Variants in RGS6 observed in about 807,000 individuals in gnomAD.
RGS6 encodes the protein regulator of G protein signaling 6.
In RGS6, 30 loss-of-function variants were observed where a neutral mutation model predicts 78.5. That is an observed-to-expected ratio of 0.38 (90% CI 0.29 to 0.52). The LOEUF is 0.52. Ranked by LOEUF, RGS6 falls within the 20% of genes least tolerant of loss-of-function variation. RGS6 has a pLI of 0.85. For synonymous variants in RGS6, 206 were observed against 206.0 expected, an observed-to-expected ratio of 1.00 and a Z score of 0.00; for missense variants, 495 against 609.7, an observed-to-expected ratio of 0.81 and a Z score of 1.98.
chr14:72,540,335 C>G (rs1000787770), intron 17 of RGS6: 14 of 1,463,802 alleles, frequency 9.6e-6, no homozygotes, highest in Non-Finnish European at 8.9e-7. Context: ...ATCGCCCAGC[C>G]TCAGGCCTGG....
intron 2 of RGS6, among the ~76,000 whole-genome samples, chr14:72,006,056 C>G (rs142894595): frequency 0.015 from 2,281 of 152,018 alleles, 49 homozygotes; most frequent in African/African-American, 0.05. Context: ...TAAAATTTAC[C>G]AAGCAGGTAG....
intron 2 of RGS6, among the ~76,000 whole-genome samples, chr14:72,309,014 G>T (rs1595620723): frequency 6.6e-6 from 1 of 152,206 alleles, no homozygotes; most frequent in Non-Finnish European, 1.5e-5. Context: ...TCTTTGCGAT[G>T]TGTAATTGGT....
chr14:71,895,347 C>T, the RGS6 span, among the ~76,000 whole-genome samples: 1 of 151,700 alleles, frequency 6.6e-6, no homozygotes, highest in Admixed American at 6.6e-5. Context: ...CCACACCCAG[C>T]TAATTTTTTT....
At chr14:71,998,830 A>G (rs1195345922) in intron 2 of RGS6, among the ~76,000 whole-genome samples, 1 of 152,228 alleles carries the variant, frequency 6.6e-6, no homozygotes, top group Non-Finnish European at 1.5e-5. Context: ...GAACTGTTTC[A>G]GTCTTAGTGA....
Position 72,175,820 on chromosome 14 carries a change from G to A in RGS6, c.85-176275G>A, listed in dbSNP as rs143634033. Among the ~76,000 whole-genome samples the A allele has an allele frequency of 7.9e-5, 12 of 152,250 alleles. No individual in the cohort carries two copies. The East Asian group carries it at 2.3e-3, about 29-fold the overall frequency. On this transcript the variant is annotated intron_variant, in intron 2 of 17. Transcript: ENST00000553525. Reference sequence around the variant, plus strand: ...ACAGCAGCACGGCCTAGTGGGGAGGGAGAGAGAAAGGGAGGAAGAGAGGGG... The same window carrying A: ...ACAGCAGCACGGCCTAGTGGGGAGGAAGAGAGAAAGGGAGGAAGAGAGGGG...
chr14:71,880,514 C>G, the RGS6 span, among the ~76,000 whole-genome samples: 1 of 152,208 alleles, frequency 6.6e-6, no homozygotes, highest in African/African-American at 2.4e-5. Context: ...AGTCTAGGAA[C>G]TTGGTGCCCC....
intron 2 of RGS6, among the ~76,000 whole-genome samples, chr14:72,027,172 G>C (rs1235672915): frequency 6.6e-6 from 1 of 152,002 alleles, no homozygotes; most frequent in Non-Finnish European, 1.5e-5. Flanking sequence ...CAAGTCCAAC[G>C]GGGAGGCAGG....
At chr14:72,344,047 G>C (rs986577201) in intron 2 of RGS6, among the ~76,000 whole-genome samples, 5 of 152,140 alleles carry the variant, frequency 3.3e-5, no homozygotes, top group Admixed American at 2.0e-4. Context: ...GCAAACAACA[G>C]ATTCTTAAAC....
chr14:71,931,454 G>A (rs772455888), upstream of RGS6, among the ~76,000 whole-genome samples: 5 of 152,168 alleles, frequency 3.3e-5, no homozygotes, highest in Non-Finnish European at 7.3e-5. Flanking sequence ...ATGTAGAATG[G>A]CGGGAAAAGA....
the RGS6 span, chr14:72,594,693 TAA>T: frequency 6.6e-6 from 1 of 152,174 alleles, no homozygotes; most frequent in Non-Finnish European, 1.5e-5. Flanking sequence ...CTTGCATATT[TAA>T]AAGTTAATTG....
intron 6 of RGS6, among the ~76,000 whole-genome samples, chr14:72,461,155 A>G (rs1344799736): frequency 6.6e-6 from 1 of 152,218 alleles, no homozygotes; most frequent in Admixed American, 6.5e-5. Context: ...GGCTGAAAAG[A>G]CTGCTCATGA....
chr14:72,198,958 T>G (rs1006807471), intron 2 of RGS6, among the ~76,000 whole-genome samples: 2 of 152,244 alleles, frequency 1.3e-5, no homozygotes, highest in African/African-American at 4.8e-5. Flanking sequence ...TAACAAGGTT[T>G]AAGCAATCCA....
the RGS6 span, among the ~76,000 whole-genome samples, chr14:72,617,254 G>C: frequency 3.3e-5 from 5 of 152,216 alleles, no homozygotes; most frequent in African/African-American, 7.2e-5. Context: ...AAACTTTTAA[G>C]CTATTGTGGC....
At chr14:72,171,200 CTG>C (rs1173169710) in intron 2 of RGS6, among the ~76,000 whole-genome samples, 1 of 152,106 alleles carries the variant, frequency 6.6e-6, no homozygotes, top group African/African-American at 2.4e-5. Context: ...GGGATTTTGT[CTG>C]TGCATGCATG....
intron 3 of RGS6, among the ~76,000 whole-genome samples, chr14:72,415,790 A>G (rs2093765754): frequency 6.6e-6 from 1 of 151,926 alleles, no homozygotes; most frequent in Non-Finnish European, 1.5e-5. Context: ...TTTGAATTTT[A>G]CTCCTCTCTG....
At chr14:71,950,980 A>G (rs1036347246) in intron 1 of RGS6, among the ~76,000 whole-genome samples, 13 of 152,192 alleles carry the variant, frequency 8.5e-5, no homozygotes, top group Non-Finnish European at 2.9e-5. Flanking sequence ...TGGATCAACC[A>G]TTGTGGAAGA....
chr14:72,511,255 TTAA>T (rs1199447155), intron 14 of RGS6, among the ~76,000 whole-genome samples: 2 of 152,258 alleles, frequency 1.3e-5, no homozygotes, highest in Admixed American at 1.3e-4. Flanking sequence ...TAAAGATGTC[TTAA>T]TAATGTTTCA....
chr14:71,876,737 T>C, the RGS6 span, among the ~76,000 whole-genome samples: 1 of 152,082 alleles, frequency 6.6e-6, no homozygotes, highest in Non-Finnish European at 1.5e-5. Flanking sequence ...GCTGGTTATT[T>C]TGCTCGTTAG....
At chr14:72,441,579 G>A (rs945260948) in intron 3 of RGS6, among the ~76,000 whole-genome samples, 4 of 152,246 alleles carry the variant, frequency 2.6e-5, no homozygotes, top group African/African-American at 4.8e-5. Flanking sequence ...CCAGCCCTCA[G>A]CAGGGCCAGG....
Sources: gnomAD v4.1 joint callset for allele counts (sites outside exome capture counted in the v4.1 genomes callset) on GRCh38, gnomAD v4.1.1 for gene constraint, MANE v1.5 for transcripts, NCBI Gene and HGNC (gene_info 2026-07-23, HGNC 2026-07-21) for gene names.